GIPC2: variants seen among roughly 807,000 people sequenced by gnomAD.
GIPC2 encodes the protein GIPC PDZ domain containing family member 2.
GIPC2 carries 30 observed loss-of-function variants against 30.6 expected under a neutral mutation model. The ratio of observed to expected loss-of-function variants is 0.98; its 90% confidence interval spans 0.73 to 1.33. The LOEUF is 1.33. Ranked by LOEUF, GIPC2 falls within the 40% of genes most tolerant of loss-of-function variation. GIPC2 has a pLI of 0.00. For synonymous variants in GIPC2, 167 were observed against 150.0 expected (o/e 1.11, Z -0.83); for missense variants, 414 against 390.3 (o/e 1.06, Z -0.51).
rs117185117 is a variant in GIPC2 at position 78,133,223 on chromosome 1, T to C, written c.797-2369T>C. ...AAAAGACTGAGTAAGCTACTCAAGA[T>C]CTGTTGGGAGTTTATTCTTTTAGTA... On this transcript the variant is annotated intron_variant, in intron 5 of 5. Coordinates refer to ENST00000370759, the MANE Select transcript of GIPC2 (RefSeq NM_017655.6). Among the ~76,000 whole-genome samples the C allele has an allele frequency of 2.7e-4, 41 of 152,310 alleles. No homozygotes were observed. The East Asian group carries it at 6.9e-3, about 26-fold the overall frequency.
intron 5 of GIPC2, among the ~76,000 whole-genome samples, chr1:78,134,365 T>C (rs1662962657): frequency 6.6e-6 from 1 of 151,524 alleles, no homozygotes; most frequent in Non-Finnish European, 1.5e-5. Context: ...TGTGTGTGTA[T>C]GTATGTGTGT....
At chr1:78,107,454 T>C (rs1662376106) in intron 3 of GIPC2, among the ~76,000 whole-genome samples, 2 of 152,164 alleles carry the variant, frequency 1.3e-5, no homozygotes, top group South Asian at 2.1e-4. Flanking sequence ...TGACTTTTTT[T>C]CTTTAGGCTT....
chr1:78,135,609 G>A lies in GIPC2; in HGVS notation c.814G>A (p.Ala272Thr). 2 of 1,583,162 alleles carry A rather than the reference G, an allele frequency of 1.3e-6. No homozygotes were observed. The highest frequency in any genetic ancestry group is 1.7e-6 in the Non-Finnish European group (2 of 1,160,384). The change falls in exon 6 of 6, where the codon GCT becomes ACT. Residue 272 changes from alanine (A) to threonine (T), a missense_variant. By Grantham distance (58) the Ala-to-Thr change is moderately conservative. Coordinates refer to ENST00000370759, the MANE Select transcript of GIPC2 (RefSeq NM_017655.6). ...DIDLATTMFEAGKDKVNPDEF... is the reference protein window; with the variant it reads ...DIDLATTMFETGKDKVNPDEF... ...TTTGATAGCCACCACAATGTTTGAA[G>A]CTGGAAAGGACAAAGTAAATCCAGA... is the stretch of plus-strand genomic sequence containing the variant.
At chr1:78,083,663 A>T (rs1022400450) in intron 2 of GIPC2, among the ~76,000 whole-genome samples, 2 of 152,130 alleles carry the variant, frequency 1.3e-5, no homozygotes, top group African/African-American at 4.8e-5. Flanking sequence ...AAAGCATTTT[A>T]TGGTAGGGAA....
In GIPC2 at chr1:78,138,105, C is replaced by T. The variant is rs584660; in HGVS notation, c.*2362C>T. ...CAATGGCCACTAATAGCACACAATGCGTTTTCTTTGATTGTAGCAGAAAAT... is the reference window on the plus strand; with the variant it reads ...CAATGGCCACTAATAGCACACAATGTGTTTTCTTTGATTGTAGCAGAAAAT... On this transcript the variant is annotated 3_prime_UTR_variant, in exon 6 of 6. Transcript: ENST00000370759. 36,205 of 151,774 alleles carry T rather than the reference C, an allele frequency of 0.24. 5,067 individuals are homozygous for T. The highest frequency in any genetic ancestry group is 0.75 in the East Asian group (3,875 of 5,160). 9.4% of individuals were successfully genotyped at this position (151,774 alleles called of 1,614,324 possible). A position where few individuals can be genotyped will look rare whatever the true frequency, so the allele number is the denominator to read the frequency against.
chr1:78,054,442 G>C (rs563128656), intron 1 of GIPC2, among the ~76,000 whole-genome samples: 4 of 152,192 alleles, frequency 2.6e-5, no homozygotes, highest in Admixed American at 6.6e-5. Flanking sequence ...AAGTTGTATG[G>C]ATTTTATTCT....
chr1:78,046,097 GC>G lies in GIPC2; in HGVS notation c.7del (p.Leu3Ter). On this transcript the variant is annotated frameshift_variant, in exon 1 of 6. Transcript: ENST00000370759. LOFTEE classifies it high-confidence loss of function. M[P>X]LKLRGKKKAK... ...GCCCGCGCTCTCGGCCCTGCAAGAT[GC>G]CCCTGAAGCTGCGGGGGAAGAAGAA... 6.9e-7 allele frequency: 1 copy of G among 1,452,476 alleles called. No homozygotes were observed. The highest frequency in any genetic ancestry group is 1.4e-5 in the South Asian group (1 of 68,988). 90.0% of individuals were successfully genotyped at this position (1,452,476 alleles called of 1,614,324 possible).
At chr1:78,065,806 A>G (rs148725051) in intron 1 of GIPC2, among the ~76,000 whole-genome samples, 4,258 of 152,290 alleles carry the variant, frequency 0.028, 155 homozygotes, top group African/African-American at 0.097. Context: ...AGGATTCCCT[A>G]TTCAATAAAT....
At chr1:78,113,224 A>G (rs957096348) in intron 3 of GIPC2, among the ~76,000 whole-genome samples, 1 of 152,046 alleles carries the variant, frequency 6.6e-6, no homozygotes, top group Non-Finnish European at 1.5e-5. Flanking sequence ...TCATTAAAAA[A>G]AAACAGATAT....
At chr1:78,120,839 T>C (rs1662667766) in intron 4 of GIPC2, among the ~76,000 whole-genome samples, 1 of 152,292 alleles carries the variant, frequency 6.6e-6, no homozygotes. Context: ...GTGGGGATTA[T>C]GGGAGCTACA....
At chr1:78,091,651 G>A (rs1490738339) in intron 2 of GIPC2, 2 of 772,016 alleles carry the variant, frequency 2.6e-6, no homozygotes, top group East Asian at 2.4e-5. Context: ...GGAGAATATG[G>A]CATATGGATC....
In GIPC2 at chr1:78,052,377, C is replaced by G. The variant is rs962540891; in HGVS notation, c.240+6043C>G. ...TGTCTTTGTTTACTGATGTGGCCCT[C>G]AAGGGCCTAGACTTTGCCTGAAACA... On this transcript the variant is annotated intron_variant, in intron 1 of 5. Coordinates refer to ENST00000370759, the MANE Select transcript of GIPC2 (RefSeq NM_017655.6). 1.6e-3 allele frequency among the ~76,000 whole-genome samples: 239 copies of G among 152,318 alleles called. 2 individuals carry two copies. Among genetic ancestry groups the G allele is most frequent in the Non-Finnish European group, 4.7e-4 (32 of 68,032 alleles).
intron 1 of GIPC2, among the ~76,000 whole-genome samples, chr1:78,050,223 T>C (rs530062215): frequency 6.6e-6 from 1 of 152,274 alleles, no homozygotes; most frequent in African/African-American, 2.4e-5. Flanking sequence ...ACATAGCAGC[T>C]GTGAGATTCT....
chr1:78,081,475 A>G (rs985863693), intron 2 of GIPC2, among the ~76,000 whole-genome samples: 10 of 152,194 alleles, frequency 6.6e-5, no homozygotes, highest in Non-Finnish European at 1.5e-4. Flanking sequence ...TTTAAAGTAT[A>G]TAGAAGGATG....
chr1:78,053,816 A>G (rs1012928425), intron 1 of GIPC2, among the ~76,000 whole-genome samples: 41 of 148,796 alleles, frequency 2.8e-4, no homozygotes, highest in African/African-American at 8.1e-4. Flanking sequence ...CTGTAGTCCC[A>G]GTATTCAGGA....
chr1:78,098,356 T>G (rs1662177509), intron 3 of GIPC2, among the ~76,000 whole-genome samples: 1 of 152,180 alleles, frequency 6.6e-6, no homozygotes, highest in African/African-American at 2.4e-5. Context: ...GGGGACCAAT[T>G]TTGACTATAC....
chr1:78,071,620 A>T (rs1661621283), intron 1 of GIPC2, among the ~76,000 whole-genome samples: 1 of 149,762 alleles, frequency 6.7e-6, no homozygotes, highest in South Asian at 2.1e-4. Context: ...TTTCTTTAAG[A>T]AAAGAAGAGG....
chr1:78,069,755 T>G (rs1661583777), intron 1 of GIPC2, among the ~76,000 whole-genome samples: 1 of 152,178 alleles, frequency 6.6e-6, no homozygotes, highest in African/African-American at 2.4e-5. Context: ...ATTACAGGCA[T>G]GAGCCACCGC....
chr1:78,079,770 G>A (rs1011982165), intron 1 of GIPC2, among the ~76,000 whole-genome samples: 13 of 152,152 alleles, frequency 8.5e-5, no homozygotes, highest in Admixed American at 6.5e-4. Context: ...GGCCCCACAA[G>A]TTACCCAGAT....
Sources: gnomAD v4.1 joint callset for allele counts (sites outside exome capture counted in the v4.1 genomes callset) on GRCh38, gnomAD v4.1.1 for gene constraint, MANE v1.5 for transcripts, NCBI Gene and HGNC (gene_info 2026-07-23, HGNC 2026-07-21) for gene names.